NRG1: variants seen among roughly 807,000 people sequenced by gnomAD.
The protein encoded by NRG1 is neuregulin 1.
In NRG1, 18 loss-of-function variants were observed where a neutral mutation model predicts 63.8. The observed-to-expected ratio is 0.28, with a 90% CI of 0.19 to 0.42. The LOEUF (loss-of-function observed/expected upper bound fraction) is 0.42. Ranked by LOEUF, NRG1 falls within the 10% of genes least tolerant of loss-of-function variation. NRG1 has a pLI of 1.00. For missense variants in NRG1, 762 were observed against 814.7 expected (o/e 0.94, Z 0.79); for synonymous variants, 302 against 301.3 (o/e 1.00, Z -0.02).
intron 1 of NRG1, among the ~76,000 whole-genome samples, chr8:31,679,921 A>G (rs2131052879): frequency 6.6e-6 from 1 of 152,210 alleles, no homozygotes; most frequent in South Asian, 2.1e-4. Flanking sequence ...TGCTACAAAT[A>G]TTTGGAAAAG....
intron 1 of NRG1, among the ~76,000 whole-genome samples, chr8:32,223,943 G>C (rs1245803645): frequency 6.6e-6 from 1 of 152,132 alleles, no homozygotes; most frequent in Non-Finnish European, 1.5e-5. Flanking sequence ...AGCTGATTTT[G>C]GAAGAGTTCA....
At chr8:32,407,275 TTATATATATATATATATATTATATA>T (rs1331827892) in intron 1 of NRG1, among the ~76,000 whole-genome samples, 1 of 47,602 alleles carries the variant, frequency 2.1e-5, no homozygotes, top group Admixed American at 2.5e-4. Flanking sequence ...TATATATATA[TTATATATATATATATATATTATATA>T]TATATATATA....
intron 1 of NRG1, among the ~76,000 whole-genome samples, chr8:31,761,152 G>C (rs1817507809): frequency 6.6e-6 from 1 of 152,112 alleles, no homozygotes; most frequent in African/African-American, 2.4e-5. Flanking sequence ...GTCCTTTGTA[G>C]GGACATGGAT....
intron 1 of NRG1, among the ~76,000 whole-genome samples, chr8:31,976,920 A>G (rs1328432321): frequency 6.6e-6 from 1 of 152,164 alleles, no homozygotes; most frequent in Non-Finnish European, 1.5e-5. Flanking sequence ...ATATCTCTTG[A>G]TTATCCAAAA....
intron 1 of NRG1, among the ~76,000 whole-genome samples, chr8:32,150,706 C>T (rs928504785): frequency 8.5e-5 from 13 of 152,140 alleles, no homozygotes; most frequent in African/African-American, 3.1e-4. Flanking sequence ...ACCCCTGGCC[C>T]ACAGGCTCCT....
chr8:32,226,235 G>T (rs568403723), intron 1 of NRG1, among the ~76,000 whole-genome samples: 4 of 151,954 alleles, frequency 2.6e-5, no homozygotes, highest in African/African-American at 9.7e-5. Context: ...CAATATTTCC[G>T]GCTCTTGATA....
intron 7 of NRG1, chr8:32,749,915 T>C: frequency 3.3e-6 from 1 of 302,726 alleles, no homozygotes; most frequent in Non-Finnish European, 6.1e-6. Flanking sequence ...TAAGTAGTAG[T>C]AGCACATAAA....
intron 1 of NRG1, among the ~76,000 whole-genome samples, chr8:31,684,299 T>G (rs964183064): frequency 6.6e-6 from 1 of 152,152 alleles, no homozygotes; most frequent in Admixed American, 6.5e-5. Context: ...TAGTGAGGTC[T>G]CTGACCTCAT....
At chr8:31,722,158 G>T (rs1274898969) in intron 1 of NRG1, among the ~76,000 whole-genome samples, 1 of 152,006 alleles carries the variant, frequency 6.6e-6, no homozygotes, top group East Asian at 1.9e-4. Context: ...GGTGGTCTCA[G>T]CCCCTGGCTA....
At chr8:31,730,108 C>G (rs902406709) in intron 1 of NRG1, among the ~76,000 whole-genome samples, 1 of 152,060 alleles carries the variant, frequency 6.6e-6, no homozygotes, top group Admixed American at 6.6e-5. Context: ...AGCAGTCAGT[C>G]CAAAAACAAC....
chr8:31,820,716 C>A (rs1233557096), intron 1 of NRG1, among the ~76,000 whole-genome samples: 1 of 152,146 alleles, frequency 6.6e-6, no homozygotes, highest in East Asian at 1.9e-4. Context: ...TTACACATTT[C>A]TTGAGAAAAT....
intron 1 of NRG1, among the ~76,000 whole-genome samples, chr8:32,417,807 G>A (rs1816139384): frequency 6.6e-6 from 1 of 152,118 alleles, no homozygotes; most frequent in Non-Finnish European, 1.5e-5. Flanking sequence ...AAAATACTTT[G>A]TGGTGGATTT....
chr8:32,613,372 C>A (rs1223769301), intron 3 of NRG1, among the ~76,000 whole-genome samples: 11 of 151,996 alleles, frequency 7.2e-5, no homozygotes, highest in Non-Finnish European at 1.6e-4. Context: ...TCCACAAAAT[C>A]TTTTGTCCCT....
rs374586525 is a variant in NRG1 at position 32,317,998 on chromosome 8, A to C, written c.38-277830A>C. Among the ~76,000 whole-genome samples the C allele has an allele frequency of 1.1e-4, 16 of 152,200 alleles. 1 individual carries two copies. Among genetic ancestry groups the C allele is most frequent in the African/African-American group, 3.8e-4 (16 of 41,570 alleles). On this transcript the variant is annotated intron_variant, in intron 1 of 10. Transcript: ENST00000519301. ...TTTCCCAAAATAACTAAGAAAAGGG[A>C]GAAAAAAAATGAGTACAGAGGCCAT...
At chr8:32,327,169 G>A (rs1232877683) in intron 1 of NRG1, among the ~76,000 whole-genome samples, 1 of 152,108 alleles carries the variant, frequency 6.6e-6, no homozygotes, top group Non-Finnish European at 1.5e-5. Flanking sequence ...GTTCCTCCCT[G>A]GTTTCTGTTT....
chr8:31,906,644 A>AG (rs1832541536), intron 1 of NRG1, among the ~76,000 whole-genome samples: 1 of 152,152 alleles, frequency 6.6e-6, no homozygotes. Context: ...CTTTAATGTG[A>AG]GGAAAAACTC....
rs1407040962 is a variant in NRG1 at position 32,760,384 on chromosome 8, C to T, written c.1237C>T (p.Arg413Ter). Residue 413 changes from arginine (R) to a stop codon, truncating the protein, a stop_gained, in exon 11 of 12, where the codon CGA becomes TGA. Coordinates refer to ENST00000356819, the Ensembl canonical transcript of NRG1. LOFTEE classifies it high-confidence loss of function. ...TGCCAGAGAAACCCCTGATTCCTACCGAGACTCTCCTCATAGTGAAAGGTA... is the reference window on the plus strand; with the variant it reads ...TGCCAGAGAAACCCCTGATTCCTACTGAGACTCTCCTCATAGTGAAAGGTA... The T allele has an allele frequency of 2.5e-6, 4 of 1,613,828 alleles. No individual in the cohort carries two copies. The highest frequency in any genetic ancestry group is 3.4e-6 in the Non-Finnish European group (4 of 1,179,906).
chr8:32,166,827 C>A (rs1041289373), intron 1 of NRG1, among the ~76,000 whole-genome samples: 10 of 152,280 alleles, frequency 6.6e-5, no homozygotes, highest in African/African-American at 2.4e-4. Context: ...TAGCCAGTTT[C>A]AGACCCATTA....
At chr8:32,125,628 A>G (rs747033916) in intron 1 of NRG1, among the ~76,000 whole-genome samples, 6 of 151,808 alleles carry the variant, frequency 4.0e-5, no homozygotes, top group Non-Finnish European at 7.4e-5. Flanking sequence ...CTCTGCTTCT[A>G]CCTATCTTGT....
Sources: allele counts gnomAD v4.1 joint callset (sites outside exome capture counted in the v4.1 genomes callset), GRCh38; gene constraint gnomAD v4.1.1; transcripts MANE v1.5; gene names NCBI Gene and HGNC (gene_info 2026-07-23, HGNC 2026-07-21).